Variants in ZFYVE9 observed in about 807,000 individuals in gnomAD.
The protein encoded by ZFYVE9 is zinc finger FYVE-type containing 9.
In ZFYVE9, 43 loss-of-function variants were observed where a neutral mutation model predicts 126.7. The ratio of observed to expected loss-of-function variants is 0.34; its 90% CI spans 0.27 to 0.44. The LOEUF is 0.44. Among genes scored for constraint, ZFYVE9 ranks in the 20% least tolerant of loss-of-function variants. The probability of loss-of-function intolerance (pLI) is 1.00; values close to 1 mark genes in which losing one functional copy is unlikely to be tolerated. For missense variants in ZFYVE9, 1,476 were observed against 1,697.0 expected (o/e 0.87, Z 2.29); for synonymous variants, 521 against 597.4 (o/e 0.87, Z 1.87).
At chr1:52,233,780 T>A (rs559062415) in intron 3 of ZFYVE9, among the ~76,000 whole-genome samples, 2 of 152,148 alleles carry the variant, frequency 1.3e-5, no homozygotes, top group African/African-American at 4.8e-5. Context: ...AAGATTCACT[T>A]CTTTTGTTTG....
At chr1:52,180,034 A>C (rs547909693) in intron 1 of ZFYVE9, 8 of 834,566 alleles carry the variant, frequency 9.6e-6, no homozygotes, top group Non-Finnish European at 1.7e-5. Flanking sequence ...AATGAGGAGG[A>C]TGAATGTGCT....
intron 2 of ZFYVE9, among the ~76,000 whole-genome samples, chr1:52,228,863 G>A (rs1482876576): frequency 1.3e-5 from 2 of 150,306 alleles, no homozygotes; most frequent in African/African-American, 2.4e-5. Context: ...TTAATATTTT[G>A]TCTGTTCTAG....
At chr1:52,171,996 T>G (rs1644576136) in intron 1 of ZFYVE9, among the ~76,000 whole-genome samples, 1 of 152,120 alleles carries the variant, frequency 6.6e-6, no homozygotes, top group Non-Finnish European at 1.5e-5. Context: ...CAGAAGCTCT[T>G]TAGTTTAATG....
intron 3 of ZFYVE9, among the ~76,000 whole-genome samples, chr1:52,236,008 T>C (rs1479208538): frequency 6.6e-6 from 1 of 152,158 alleles, no homozygotes; most frequent in Non-Finnish European, 1.5e-5. Context: ...TAAAATTGGC[T>C]TCTTTATACA....
At chr1:52,292,469 CTT>C (rs1159852399) in intron 10 of ZFYVE9, among the ~76,000 whole-genome samples, 10 of 101,982 alleles carry the variant, frequency 9.8e-5, no homozygotes, top group African/African-American at 2.4e-4. Flanking sequence ...CTGAACATTT[CTT>C]TTTTTTTTTT....
chr1:52,326,375 A>G (rs1247684517), intron 13 of ZFYVE9, among the ~76,000 whole-genome samples: 1 of 152,172 alleles, frequency 6.6e-6, no homozygotes, highest in Non-Finnish European at 1.5e-5. Flanking sequence ...AAGAGTACTT[A>G]TTATATGTTT....
At chr1:52,286,573 G>A (rs954448084) in intron 10 of ZFYVE9, among the ~76,000 whole-genome samples, 1 of 152,150 alleles carries the variant, frequency 6.6e-6, no homozygotes, top group Non-Finnish European at 1.5e-5. Context: ...GGAGGTTGTA[G>A]ACTATATATT....
intron 1 of ZFYVE9, among the ~76,000 whole-genome samples, chr1:52,191,986 C>T (rs1256178931): frequency 6.6e-6 from 1 of 150,742 alleles, no homozygotes; most frequent in Non-Finnish European, 1.5e-5. Context: ...TGGACATGGT[C>T]TTAACAGCAT....
intron 7 of ZFYVE9, among the ~76,000 whole-genome samples, chr1:52,269,002 G>C (rs939124426): frequency 6.6e-6 from 1 of 152,058 alleles, no homozygotes; most frequent in Non-Finnish European, 1.5e-5. Context: ...AACATGAAAG[G>C]GCCTGAGGAG....
Position 52,184,666 on chromosome 1 carries a change from C to T in ZFYVE9, c.-142-31703C>T, listed in dbSNP as rs75923249. Among the ~76,000 whole-genome samples, 29 of 152,188 alleles carry T rather than the reference C, an allele frequency of 1.9e-4. No individual in the cohort carries two copies. In the East Asian group the frequency reaches 5.4e-3, roughly 28 times the overall value. On this transcript the variant is annotated intron_variant, in intron 1 of 18. Transcript: ENST00000287727. ...TGTGACAACAAAGAAACAAATTCCT[C>T]TTTGACTATCCAGGACGATTATTCC...
intron 1 of ZFYVE9, chr1:52,179,955 C>T: frequency 4.7e-6 from 5 of 1,070,732 alleles, no homozygotes; most frequent in Non-Finnish European, 5.8e-6. Context: ...GCGCATCCTC[C>T]AGCAGTCAGT....
At chr1:52,281,894 C>T in intron 10 of ZFYVE9, 78 bp downstream of exon 10, 1 of 1,540,588 alleles carries the variant, frequency 6.5e-7, no homozygotes, top group Non-Finnish European at 8.9e-7. Context: ...AAATAATAGT[C>T]TTAACTTTGG....
intron 4 of ZFYVE9, among the ~76,000 whole-genome samples, chr1:52,251,907 C>T (rs1645451163): frequency 1.3e-5 from 2 of 151,202 alleles, no homozygotes; most frequent in Admixed American, 1.3e-4. Context: ...ATTACTGATT[C>T]AGTCTTGGTA....
chr1:52,327,011 A>G (rs1297958335), intron 13 of ZFYVE9, among the ~76,000 whole-genome samples: 1 of 151,596 alleles, frequency 6.6e-6, no homozygotes, highest in Non-Finnish European at 1.5e-5. Flanking sequence ...AAATACAAAA[A>G]TTAGCTGGGC....
In ZFYVE9 at chr1:52,276,224, C is replaced by G. The variant is rs544059614; in HGVS notation, c.2746+1640C>G. Among the ~76,000 whole-genome samples the G allele has an allele frequency of 8.5e-5, 13 of 152,158 alleles. No homozygotes were observed. In the East Asian group the frequency reaches 2.5e-3, roughly 29 times the overall value. On this transcript the variant is annotated intron_variant, in intron 8 of 18. Transcript: ENST00000287727. ...CCCGGTCTGACAATGTTTCTTATAA[C>G]CTTATCTCAGCCTGTCTTTCTAGCC...
intron 1 of ZFYVE9, chr1:52,162,160 T>C (rs763597096): frequency 1.6e-4 from 33 of 205,640 alleles, no homozygotes; most frequent in Non-Finnish European, 1.2e-4. Context: ...AAAAATGTCC[T>C]TCATTGCAAC....
At chr1:52,346,032 C>T (rs1390545555) in intron 18 of ZFYVE9, 28 bp from the exon 19 acceptor site, 1 of 1,554,276 alleles carries the variant, frequency 6.4e-7, no homozygotes, top group Non-Finnish European at 8.7e-7. Flanking sequence ...GTTCAGTAAC[C>T]TCTCCTCCTT....
Position 52,281,820 on chromosome 1 carries a change from G to C in ZFYVE9, c.3025+4G>C, listed in dbSNP as rs756856133. 6.2e-7 allele frequency: 1 copy of C among 1,614,078 alleles called. No homozygotes were observed. Among genetic ancestry groups the C allele is most frequent in the Non-Finnish European group, 8.5e-7 (1 of 1,179,976 alleles). ...CTTTATCGGGATGCTCTGGCAGGTAGGAATGCTTTATGACTTAGTCTGCTC... is the reference window on the plus strand; with the variant it reads ...CTTTATCGGGATGCTCTGGCAGGTACGAATGCTTTATGACTTAGTCTGCTC... On this transcript the variant is annotated splice_donor_region_variant and intron_variant, in intron 10 of 18. Coordinates refer to ENST00000287727, the MANE Select transcript of ZFYVE9 (RefSeq NM_004799.4).
At chr1:52,205,067 ATTTTT>A (rs891218048) in intron 1 of ZFYVE9, among the ~76,000 whole-genome samples, 1 of 117,788 alleles carries the variant, frequency 8.5e-6, no homozygotes, top group Non-Finnish European at 1.7e-5. Context: ...TGTGCTGTGA[ATTTTT>A]TTTTTTTTTT....
Sources: allele counts gnomAD v4.1 joint callset (sites outside exome capture counted in the v4.1 genomes callset), GRCh38; gene constraint gnomAD v4.1.1; transcripts MANE v1.5; gene names NCBI Gene and HGNC (gene_info 2026-07-23, HGNC 2026-07-21).